ZMIZ1: variants seen among roughly 807,000 people sequenced by gnomAD.
ZMIZ1 encodes the protein zinc finger MIZ domain-containing protein 1.
Under a neutral mutation model 113.9 loss-of-function variants are expected in ZMIZ1, and 17 were observed. That is an observed-to-expected ratio of 0.15 (90% CI 0.10 to 0.22). The LOEUF is 0.22. Among genes scored for constraint, ZMIZ1 ranks in the 10% least tolerant of loss-of-function variants. The pLI is 1.00. For missense variants in ZMIZ1, 1,059 were observed against 1,477.8 expected (o/e 0.72, Z 4.65); for synonymous variants, 607 against 603.1 (o/e 1.01, Z -0.09).
intron 7 of ZMIZ1, among the ~76,000 whole-genome samples, chr10:79,221,312 A>C (rs1848959835): frequency 6.6e-6 from 1 of 152,160 alleles, no homozygotes; most frequent in Admixed American, 6.5e-5. Flanking sequence ...AGTGCGCAGG[A>C]GGCGAGCACA....
At chr10:79,164,889 G>A (rs1024548880) in intron 4 of ZMIZ1, among the ~76,000 whole-genome samples, 2 of 152,144 alleles carry the variant, frequency 1.3e-5, no homozygotes, top group South Asian at 4.1e-4. Flanking sequence ...GAGGAAGCCT[G>A]TTCCCTCCAG....
chr10:79,230,066 G>A (rs559937308), intron 7 of ZMIZ1, among the ~76,000 whole-genome samples: 2 of 152,276 alleles, frequency 1.3e-5, no homozygotes, highest in South Asian at 2.1e-4. Context: ...CACCCTGTGT[G>A]GGGACGCTGC....
At chr10:79,311,369 G>T (rs1161291598) in intron 24 of ZMIZ1, among the ~76,000 whole-genome samples, 185 bp downstream of exon 24, 1 of 152,162 alleles carries the variant, frequency 6.6e-6, no homozygotes, top group Non-Finnish European at 1.5e-5. Context: ...CACCACTGAG[G>T]GTCCCCACCC....
intron 23 of ZMIZ1, among the ~76,000 whole-genome samples, chr10:79,309,366 C>T (rs1483921470): frequency 1.3e-5 from 2 of 152,188 alleles, no homozygotes; most frequent in Non-Finnish European, 2.9e-5. Flanking sequence ...GAGTGTGGAG[C>T]CCCTCCCTGC....
chr10:79,216,196 G>A lies in ZMIZ1; in HGVS notation c.202G>A (p.Gly68Ser). ...TVVSRVAAQQ[G>S]FDLDLGYRLL... ...GGTCAGTCGGGTGGCAGCCCAGCAA[G>A]GCTTTGACCTGGACCTCGGCTACAG... The change falls in exon 7 of 25, where the codon GGC (glycine) becomes AGC (serine). Residue 68 changes from glycine (G) to serine (S), a missense_variant. Transcript: ENST00000334512. 2.6e-6 allele frequency: 4 copies of A among 1,540,714 alleles called. No homozygotes were observed. The highest frequency in any genetic ancestry group is 3.5e-6 in the Non-Finnish European group (4 of 1,140,538).
At chr10:79,237,861 AGG>A (rs149838748) in intron 7 of ZMIZ1, among the ~76,000 whole-genome samples, 2,009 of 152,338 alleles carry the variant, frequency 0.013, 37 homozygotes, top group African/African-American at 0.045. Context: ...TGTTTTACAA[AGG>A]AGGAGGTCGA....
At position 79,293,456 on chromosome 10, in the gene ZMIZ1, AGCATGAACCCCGCGAGCATGGCGGCTG is replaced by A; in HGVS notation, c.1040_1066del (p.Asn347_Met355del). ...GCGGGGGCCTGCCTCCATGGGGGGC[AGCATGAACCCCGCGAGCATGGCGGCTG>A]GCATGACGCCCTCGGGGATGAGCGG... On this transcript the variant is annotated inframe_deletion, in exon 12 of 25. Transcript: ENST00000334512. 6.4e-7 allele frequency: 1 copy of A among 1,551,490 alleles called. No homozygotes were observed. Among genetic ancestry groups the A allele is most frequent in the African/African-American group, 1.4e-5 (1 of 73,236 alleles).
intron 7 of ZMIZ1, among the ~76,000 whole-genome samples, chr10:79,273,989 G>T (rs1852108686): frequency 6.6e-6 from 1 of 152,246 alleles, no homozygotes; most frequent in Non-Finnish European, 1.5e-5. Flanking sequence ...TTATGAAGGG[G>T]GAAAGGGACA....
intron 7 of ZMIZ1, among the ~76,000 whole-genome samples, chr10:79,262,798 T>G (rs951231404): frequency 6.6e-6 from 1 of 152,164 alleles, no homozygotes; most frequent in Non-Finnish European, 1.5e-5. Context: ...CCCAGAGCAA[T>G]GAATGGAGAC....
intron 5 of ZMIZ1, among the ~76,000 whole-genome samples, chr10:79,205,407 A>G (rs541745781): frequency 2.0e-5 from 3 of 152,292 alleles, no homozygotes; most frequent in East Asian, 1.9e-4. Flanking sequence ...CTGCTCCCCA[A>G]TCATTTCCCA....
intron 1 of ZMIZ1, among the ~76,000 whole-genome samples, chr10:79,112,857 C>G (rs188899150): frequency 6.6e-6 from 1 of 152,316 alleles, no homozygotes; most frequent in Non-Finnish European, 1.5e-5. Flanking sequence ...TTGACGGTCC[C>G]AGGCGTTGGT....
chr10:79,180,982 G>A (rs1847100187), intron 4 of ZMIZ1, among the ~76,000 whole-genome samples: 1 of 152,232 alleles, frequency 6.6e-6, no homozygotes, highest in Non-Finnish European at 1.5e-5. Context: ...GCTTTTTTCT[G>A]ATGGGGAAAC....
intron 1 of ZMIZ1, among the ~76,000 whole-genome samples, chr10:79,115,822 G>A (rs1051252583): frequency 2.0e-5 from 3 of 152,226 alleles, no homozygotes; most frequent in Admixed American, 2.0e-4. Flanking sequence ...GATGGGGGAG[G>A]GCTTCCGCCT....
chr10:79,316,438 G>A lies in ZMIZ1; in HGVS notation c.*3689G>A, dbSNP rs1855538251. On this transcript the variant is annotated 3_prime_UTR_variant, in exon 25 of 25. Coordinates refer to ENST00000334512, the MANE Select transcript of ZMIZ1 (RefSeq NM_020338.4). Reference sequence around the variant, plus strand: ...AGATCAAATTATTTGACTATTGCTAGACATTTCTATACTCTGTTGTAACAC... The same window carrying A: ...AGATCAAATTATTTGACTATTGCTAAACATTTCTATACTCTGTTGTAACAC... The A allele has an allele frequency of 1.3e-5, 2 of 152,748 alleles. No individual in the cohort carries two copies. Among genetic ancestry groups the A allele is most frequent in the Non-Finnish European group, 2.9e-5 (2 of 68,040 alleles). 9.5% of individuals were successfully genotyped at this position (152,748 alleles called of 1,614,324 possible). A position where few individuals can be genotyped will look rare whatever the true frequency, so the allele number is the denominator to read the frequency against.
intron 1 of ZMIZ1, among the ~76,000 whole-genome samples, chr10:79,080,810 C>T (rs1181180098): frequency 6.6e-6 from 1 of 152,098 alleles, no homozygotes; most frequent in Non-Finnish European, 1.5e-5. Context: ...TTGGAATCCT[C>T]ATGGGCCTCA....
rs886635216 is a variant in ZMIZ1 at position 79,226,615 on chromosome 10, G to A, written c.280+10341G>A. 2.0e-5 allele frequency among the ~76,000 whole-genome samples: 3 copies of A among 152,204 alleles called. No homozygotes were observed. In the East Asian group the frequency reaches 5.8e-4, roughly 29 times the overall value. ...TTTTAAGATGGAGCTTAGCATTCTC[G>A]CCCCCAGAGGAGGGATTTCAGGGGA... On this transcript the variant is annotated intron_variant, in intron 7 of 24. Transcript: ENST00000334512.
chr10:79,278,067 A>G (rs1405893951), intron 8 of ZMIZ1, among the ~76,000 whole-genome samples: 1 of 152,220 alleles, frequency 6.6e-6, no homozygotes, highest in Non-Finnish European at 1.5e-5. Context: ...CCCGCAGCCC[A>G]GAGCACACTG....
chr10:79,269,456 A>ACACACAC (rs1851803859), intron 7 of ZMIZ1, among the ~76,000 whole-genome samples: 2 of 138,568 alleles, frequency 1.4e-5, no homozygotes, highest in South Asian at 2.5e-4. Flanking sequence ...ACCTCCCCCC[A>ACACACAC]ACACACACAC....
intron 7 of ZMIZ1, among the ~76,000 whole-genome samples, chr10:79,231,556 TG>T (rs1443970292): frequency 1.3e-5 from 2 of 151,390 alleles, no homozygotes; most frequent in Non-Finnish European, 2.9e-5. Flanking sequence ...GGAAGCCTGG[TG>T]GGGGGTTTTG....
Sources: gnomAD v4.1 joint callset for allele counts (sites outside exome capture counted in the v4.1 genomes callset) on GRCh38, gnomAD v4.1.1 for gene constraint, MANE v1.5 for transcripts, NCBI Gene and HGNC (gene_info 2026-07-23, HGNC 2026-07-21) for gene names.